The following IL4I1 variants were observed in gnomAD, a reference collection of about 807,000 sequenced individuals.
IL4I1 encodes the protein interleukin 4 induced 1.
IL4I1 carries 24 observed loss-of-function variants against 29.7 expected under a neutral mutation model. The observed-to-expected ratio is 0.81, with a 90% CI of 0.59 to 1.14. IL4I1 has a LOEUF of 1.14. Ranked by LOEUF, IL4I1 falls within the 50% of genes most tolerant of loss-of-function variation. The pLI, the probability that IL4I1 is intolerant of heterozygous loss-of-function variation, is 0.00. For missense variants in IL4I1, 686 were observed against 785.6 expected, an observed-to-expected ratio of 0.87 and a Z score of 1.52; for synonymous variants, 371 against 352.5, an observed-to-expected ratio of 1.05 and a Z score of -0.59.
intron 2 of IL4I1, among the ~76,000 whole-genome samples, chr19:49,910,254 G>A (rs117268160): frequency 0.014 from 2,059 of 152,154 alleles, 26 homozygotes; most frequent in Non-Finnish European, 0.019. Flanking sequence ...TGCTCCCAGC[G>A]TGGGACCCAG....
intron 2 of IL4I1, among the ~76,000 whole-genome samples, chr19:49,915,602 G>A (rs1013704244): frequency 2.0e-5 from 3 of 152,238 alleles, no homozygotes; most frequent in East Asian, 1.9e-4. Flanking sequence ...AACCAATGGC[G>A]GTAGGTTGAG....
intron 2 of IL4I1, among the ~76,000 whole-genome samples, chr19:49,925,979 G>A (rs1188385354): frequency 7.9e-5 from 12 of 152,080 alleles, no homozygotes; most frequent in Non-Finnish European, 1.5e-5. Flanking sequence ...GGGAGGCTGA[G>A]GCAGGCAGAT....
chr19:49,916,566 G>A (rs1395439495), intron 2 of IL4I1, among the ~76,000 whole-genome samples: 3 of 151,994 alleles, frequency 2.0e-5, no homozygotes, highest in Non-Finnish European at 4.4e-5. Context: ...TAGGTCAGGA[G>A]ATCCAGACCA....
At chr19:49,911,653 C>G (rs565499070) in intron 2 of IL4I1, among the ~76,000 whole-genome samples, 1 of 152,200 alleles carries the variant, frequency 6.6e-6, no homozygotes, top group Non-Finnish European at 1.5e-5. Flanking sequence ...GAGATGACCC[C>G]AGGGCCAGCT....
At chr19:49,892,040 A>T (rs893211671) in intron 5 of IL4I1, among the ~76,000 whole-genome samples, 3 of 147,940 alleles carry the variant, frequency 2.0e-5, no homozygotes, top group Non-Finnish European at 1.5e-5. Context: ...CTTGCCCCTC[A>T]GCCTCATGTT....
chr19:49,891,218 C>T, intron 6 of IL4I1, 111 bp from the exon 7 acceptor site: 1 of 1,487,862 alleles, frequency 6.7e-7, no homozygotes, highest in Non-Finnish European at 9.2e-7. Flanking sequence ...ACCGTAGGAT[C>T]CTGTCCCCAC....
intron 1 of IL4I1, chr19:49,928,646 G>C (rs1402452947): frequency 6.6e-6 from 1 of 152,314 alleles, no homozygotes; most frequent in South Asian, 2.1e-4. Flanking sequence ...TTACAGATAG[G>C]GAAATGAAGT....
At chr19:49,910,964 C>G (rs1472294601) in intron 2 of IL4I1, 4 of 152,252 alleles carry the variant, frequency 2.6e-5, no homozygotes, top group Non-Finnish European at 5.9e-5. Context: ...AATGCAGTGA[C>G]ATGATCACAA....
intron 2 of IL4I1, among the ~76,000 whole-genome samples, chr19:49,913,458 G>A (rs372798354): frequency 3.7e-4 from 56 of 152,286 alleles, no homozygotes; most frequent in African/African-American, 1.2e-3. Context: ...GTATCAGCAC[G>A]ACCTCTGGAG....
upstream of IL4I1, chr19:49,901,837 C>G (rs1328515826): frequency 1.7e-6 from 1 of 584,764 alleles, no homozygotes; most frequent in African/African-American, 1.9e-5. Context: ...AAAGGCAGGT[C>G]CCCCTTTCTC....
In IL4I1 at chr19:49,891,460, A is replaced by G. The variant is rs777426739; in HGVS notation, c.581T>C (p.Leu194Pro). ...CGCCTTTCTGCAGCCCAGTGCCTTG[A>G]GGTCTTTGAGGGCCTGTTGTGGAAG... ...QMALNQALKD[L>P]KALGCRKAMK... Residue 194 changes from leucine to proline, a missense_variant, in exon 6 of 8, where the codon CTC becomes CCC. Physicochemically the swap from Leu to Pro is moderately conservative, Grantham distance 98 (BLOSUM62 -3). Transcript: ENST00000391826. The G allele has an allele frequency of 8.1e-6, 13 of 1,613,868 alleles. No individual in the cohort carries two copies. In the South Asian group the frequency reaches 1.4e-4, roughly 18 times the overall value.
rs530202039 is a variant in IL4I1, at chr19:49,889,822, C to T, written c.1552G>A (p.Glu518Lys). The change falls in exon 8 of 8, where the codon GAG becomes AAG. Residue 518 changes from glutamate (E) to lysine (K), a missense_variant. Coordinates refer to ENST00000391826, the MANE Select transcript of IL4I1 (RefSeq NM_152899.2). ...KGPASDTASP[E>K]GHASDMEGQG... ...CCCTCCATGTCAGATGCGTGCCCCT[C>T]GGGGCTGGCCGTGTCCGATGCAGGC... is the stretch of plus-strand genomic sequence containing the variant. The T allele has an allele frequency of 2.6e-6, 4 of 1,559,190 alleles. No homozygotes were observed. Among genetic ancestry groups the T allele is most frequent in the Non-Finnish European group, 3.5e-6 (4 of 1,152,092 alleles).
chr19:49,923,854 C>A (rs2075821148), intron 2 of IL4I1, among the ~76,000 whole-genome samples: 1 of 152,248 alleles, frequency 6.6e-6, no homozygotes, highest in South Asian at 2.1e-4. Context: ...TGCTCTGACC[C>A]ACGCTGCGGA....
chr19:49,902,740 G>C (rs1354988464), intron 3 of IL4I1, among the ~76,000 whole-genome samples: 1 of 151,858 alleles, frequency 6.6e-6, no homozygotes, highest in African/African-American at 2.4e-5. Context: ...TGAGGCAGGA[G>C]AATCACTTGA....
rs528824232 is a variant in IL4I1 at position 49,895,349 on chromosome 19, G to A, written c.253-169C>T. On this transcript the variant is annotated intron_variant, in intron 3 of 7. Transcript: ENST00000391826. Reference sequence around the variant, plus strand: ...TGGAGGTGGGGGAACAGAACTGAGTGAGCAGTTCCAGACTGCAGGAGGAAG... The same window carrying A: ...TGGAGGTGGGGGAACAGAACTGAGTAAGCAGTTCCAGACTGCAGGAGGAAG... Among the ~76,000 whole-genome samples the A allele has an allele frequency of 1.4e-4, 22 of 152,276 alleles. No individual in the cohort carries two copies. In the South Asian group the frequency reaches 3.7e-3, roughly 26 times the overall value.
At chr19:49,928,202 G>A (rs1348228567) in intron 1 of IL4I1, 1 of 152,176 alleles carries the variant, frequency 6.6e-6, no homozygotes, top group African/African-American at 2.4e-5. Flanking sequence ...AAATGAGACT[G>A]GGCCCCAGAG....
rs1442320518 is a variant in IL4I1, at chr19:49,891,354, A to G, written c.636+51T>C. ...CTTCTGACTCTCTGGGGAAGGCCTC[A>G]TGGTCACTCTCTTTGCCCTGCATCT... On this transcript the variant is annotated intron_variant, in intron 6 of 7. Coordinates refer to ENST00000391826, the MANE Select transcript of IL4I1 (RefSeq NM_152899.2). 2.5e-6 allele frequency: 4 copies of G among 1,585,740 alleles called. No individual in the cohort carries two copies. In the Admixed American group the frequency reaches 6.7e-5, roughly 26 times the overall value.
chr19:49,927,669 G>C (rs2075935905), intron 2 of IL4I1: 1 of 152,224 alleles, frequency 6.6e-6, no homozygotes, highest in African/African-American at 2.4e-5. Flanking sequence ...AACAGGTAAG[G>C]AAGGAGAAAG....
chr19:49,916,618 G>A (rs556021565), intron 2 of IL4I1, among the ~76,000 whole-genome samples: 1 of 152,062 alleles, frequency 6.6e-6, no homozygotes, highest in South Asian at 2.1e-4. Context: ...AAAAAAATTA[G>A]CCAGGCGTGG....
Sources: allele counts gnomAD v4.1 joint callset (sites outside exome capture counted in the v4.1 genomes callset), GRCh38; gene constraint gnomAD v4.1.1; transcripts MANE v1.5; gene names NCBI Gene and HGNC (gene_info 2026-07-23, HGNC 2026-07-21).